The following LCLAT1 variants were observed in gnomAD, a reference collection of about 807,000 sequenced individuals.
LCLAT1 encodes 1-AGP acyltransferase 8.
LCLAT1 carries 11 observed loss-of-function variants against 30.7 expected under a neutral mutation model. That is an observed-to-expected ratio of 0.36 (90% CI 0.23 to 0.59). LCLAT1 has a LOEUF of 0.59. Among genes scored for constraint, LCLAT1 ranks in the 20% least tolerant of loss-of-function variants. LCLAT1 has a pLI of 0.77. For synonymous variants in LCLAT1, 155 were observed against 151.3 expected, an observed-to-expected ratio of 1.02 and a Z score of -0.18; for missense variants, 402 against 458.6, an observed-to-expected ratio of 0.88 and a Z score of 1.13.
At chr2:30,553,412 T>C (rs1664767987) in intron 3 of LCLAT1, among the ~76,000 whole-genome samples, 2 of 152,178 alleles carry the variant, frequency 1.3e-5, no homozygotes, top group Admixed American at 6.5e-5. Context: ...ATGGTGGTAG[T>C]GGAGCTATGC....
chr2:30,540,886 A>G (rs1664105635), intron 3 of LCLAT1, among the ~76,000 whole-genome samples: 1 of 151,784 alleles, frequency 6.6e-6, no homozygotes, highest in South Asian at 2.1e-4. Context: ...GCTGGTCTTG[A>G]ACTCCTGACC....
intron 5 of LCLAT1, among the ~76,000 whole-genome samples, chr2:30,577,634 T>C (rs1256319356): frequency 1.3e-5 from 2 of 152,196 alleles, no homozygotes; most frequent in African/African-American, 4.8e-5. Context: ...ATTTTTGTTT[T>C]ATGAAGTACC....
Position 30,519,240 on chromosome 2 carries a change from G to T in LCLAT1, c.-4-6347G>T, listed in dbSNP as rs1307060460. Among the ~76,000 whole-genome samples, 3 of 152,142 alleles carry T rather than the reference G, an allele frequency of 2.0e-5. No homozygotes were observed. In the South Asian group the frequency reaches 6.2e-4, roughly 31 times the overall value. On this transcript the variant is annotated intron_variant, in intron 1 of 5. Transcript: ENST00000379509. ...TATCTTTAACCTCCTTGTTAAGTTT[G>T]TCTCTTCCAGAATTGATGCTGTAAA... is the stretch of plus-strand genomic sequence containing the variant.
At chr2:30,629,601 A>T (rs1463984649) in intron 5 of LCLAT1, among the ~76,000 whole-genome samples, 3 of 152,176 alleles carry the variant, frequency 2.0e-5, no homozygotes. Context: ...AATTTTCTTA[A>T]ATTACAATAC....
intron 5 of LCLAT1, among the ~76,000 whole-genome samples, chr2:30,637,863 C>A (rs1238997086): frequency 6.6e-6 from 1 of 152,148 alleles, no homozygotes; most frequent in Non-Finnish European, 1.5e-5. Context: ...CAGGTGTGAG[C>A]CACCGCACCC....
chr2:30,461,273 G>A (rs1421992483), intron 1 of LCLAT1, among the ~76,000 whole-genome samples: 1 of 152,184 alleles, frequency 6.6e-6, no homozygotes. Context: ...TGGTGTCAGA[G>A]AATTGGTCTC....
At chr2:30,548,714 A>G (rs1472678701) in intron 3 of LCLAT1, among the ~76,000 whole-genome samples, 1 of 152,192 alleles carries the variant, frequency 6.6e-6, no homozygotes, top group African/African-American at 2.4e-5. Flanking sequence ...GATTATCTAT[A>G]TAATGTGGAT....
intron 5 of LCLAT1, among the ~76,000 whole-genome samples, chr2:30,587,019 A>C (rs942860247): frequency 1.3e-5 from 2 of 152,198 alleles, no homozygotes; most frequent in Non-Finnish European, 2.9e-5. Flanking sequence ...TTTTGTGATC[A>C]GTCTTCTACC....
At chr2:30,519,477 G>A (rs1685365620) in intron 1 of LCLAT1, among the ~76,000 whole-genome samples, 2 of 152,134 alleles carry the variant, frequency 1.3e-5, no homozygotes, top group Non-Finnish European at 1.5e-5. Context: ...AACAGCACTT[G>A]GGTTTTCCTG....
chr2:30,577,045 G>GCA lies in LCLAT1; in HGVS notation c.628+8869_628+8870insCA, dbSNP rs1288618156. On this transcript the variant is annotated intron_variant, in intron 5 of 5. Coordinates refer to ENST00000379509, the MANE Select transcript of LCLAT1 (RefSeq NM_001002257.3). ...TATTTGCATAGCTCTCTAAATGAAA[G>GCA]TAGTTTTCTCCATTTTATTTTGCAT... Among the ~76,000 whole-genome samples, 6 of 150,692 alleles carry GCA rather than the reference G, an allele frequency of 4.0e-5. No individual in the cohort carries two copies. The East Asian group carries it at 1.2e-3, about 29-fold the overall frequency.
chr2:30,488,584 A>C (rs774212241), intron 1 of LCLAT1, among the ~76,000 whole-genome samples: 10 of 152,018 alleles, frequency 6.6e-5, no homozygotes, highest in Non-Finnish European at 1.5e-4. Flanking sequence ...TTAGATATTG[A>C]CTCTTAGATA....
At chr2:30,453,663 G>A (rs1572462163) in intron 1 of LCLAT1, among the ~76,000 whole-genome samples, 1 of 152,172 alleles carries the variant, frequency 6.6e-6, no homozygotes, top group African/African-American at 2.4e-5. Flanking sequence ...TGTGTAGAGG[G>A]GGAGATAAAC....
At chr2:30,549,853 C>T (rs1261191821) in intron 3 of LCLAT1, among the ~76,000 whole-genome samples, 1 of 152,110 alleles carries the variant, frequency 6.6e-6, no homozygotes, top group Non-Finnish European at 1.5e-5. Flanking sequence ...ACAAATCTTA[C>T]AGAAAATATT....
chr2:30,514,045 G>T (rs1685066573), intron 1 of LCLAT1, among the ~76,000 whole-genome samples: 1 of 152,166 alleles, frequency 6.6e-6, no homozygotes, highest in African/African-American at 2.4e-5. Flanking sequence ...AATTTTGGGG[G>T]CTCACAACTG....
chr2:30,619,855 A>AT (rs1292764392), intron 5 of LCLAT1, among the ~76,000 whole-genome samples: 1 of 152,122 alleles, frequency 6.6e-6, no homozygotes, highest in Non-Finnish European at 1.5e-5. Flanking sequence ...ATCTAGCAAG[A>AT]TTTATCTCCC....
intron 1 of LCLAT1, among the ~76,000 whole-genome samples, chr2:30,514,892 C>T (rs1424551386): frequency 6.6e-6 from 1 of 152,186 alleles, no homozygotes; most frequent in Non-Finnish European, 1.5e-5. Context: ...ATACATTTCA[C>T]TTTTAACATT....
At chr2:30,600,657 T>C (rs1319922154) in intron 5 of LCLAT1, among the ~76,000 whole-genome samples, 1 of 152,162 alleles carries the variant, frequency 6.6e-6, no homozygotes, top group Non-Finnish European at 1.5e-5. Flanking sequence ...ACTGAGAATC[T>C]GATGGCCTTC....
intron 5 of LCLAT1, among the ~76,000 whole-genome samples, chr2:30,575,154 A>C (rs191684024): frequency 9.9e-4 from 150 of 151,866 alleles, no homozygotes; most frequent in Non-Finnish European, 1.6e-3. Context: ...TGTTTTTTCC[A>C]CTTCAAACAG....
At chr2:30,638,139 C>G (rs1669124378) in intron 5 of LCLAT1, among the ~76,000 whole-genome samples, 1 of 152,144 alleles carries the variant, frequency 6.6e-6, no homozygotes. Flanking sequence ...GGTTCTTACC[C>G]TAAAGTAAAT....
Sources: gnomAD v4.1 joint callset for allele counts (sites outside exome capture counted in the v4.1 genomes callset) on GRCh38, gnomAD v4.1.1 for gene constraint, MANE v1.5 for transcripts, NCBI Gene and HGNC (gene_info 2026-07-23, HGNC 2026-07-21) for gene names.